PCCA: variants seen among roughly 807,000 people sequenced by gnomAD.
PCCA encodes propionyl-CoA carboxylase subunit alpha.
In PCCA, 74 loss-of-function variants were observed where a neutral mutation model predicts 101.3. That is an observed-to-expected ratio of 0.73 (90% CI 0.61 to 0.89). The LOEUF (loss-of-function observed/expected upper bound fraction) is 0.89. Among genes scored for constraint, PCCA ranks in the 40% least tolerant of loss-of-function variants. The pLI is 0.00. For synonymous variants in PCCA, 294 were observed against 313.6 expected (o/e 0.94, Z 0.66); for missense variants, 891 against 907.0 (o/e 0.98, Z 0.23).
At chr13:100,117,696 A>C (rs918629521) in intron 4 of PCCA, among the ~76,000 whole-genome samples, 4 of 152,150 alleles carry the variant, frequency 2.6e-5, no homozygotes, top group Admixed American at 2.6e-4. Flanking sequence ...TGGGTGCAGC[A>C]AAACAACATG....
intron 18 of PCCA, among the ~76,000 whole-genome samples, chr13:100,345,383 A>G (rs2072025205): frequency 6.6e-6 from 1 of 152,188 alleles, no homozygotes; most frequent in African/African-American, 2.4e-5. Flanking sequence ...AGGTCTGGAT[A>G]GAAGATCAAA....
intron 19 of PCCA, among the ~76,000 whole-genome samples, chr13:100,375,712 A>G (rs991562298): frequency 6.6e-6 from 1 of 152,226 alleles, no homozygotes; most frequent in African/African-American, 2.4e-5. Flanking sequence ...AAGTCCATCA[A>G]CACTATGAAG....
intron 4 of PCCA, among the ~76,000 whole-genome samples, chr13:100,122,353 C>T (rs2049489258): frequency 6.6e-6 from 1 of 152,020 alleles, no homozygotes; most frequent in Non-Finnish European, 1.5e-5. Context: ...TGATCCTGGC[C>T]TCATGAATTG....
intron 1 of PCCA, among the ~76,000 whole-genome samples, chr13:100,100,846 G>A (rs180892458): frequency 5.9e-5 from 9 of 151,730 alleles, no homozygotes; most frequent in African/African-American, 1.7e-4. Context: ...GGAGTGCAAC[G>A]GTACAAACTT....
chr13:100,363,648 T>G (rs1321098209), intron 18 of PCCA, among the ~76,000 whole-genome samples: 2 of 152,204 alleles, frequency 1.3e-5, no homozygotes, highest in Non-Finnish European at 2.9e-5. Flanking sequence ...GTGAAAGTTA[T>G]GATGAAGCAT....
At chr13:100,499,009 A>G (rs964786449) in intron 21 of PCCA, among the ~76,000 whole-genome samples, 2 of 152,124 alleles carry the variant, frequency 1.3e-5, no homozygotes, top group Non-Finnish European at 2.9e-5. Context: ...CAAGACTTCC[A>G]CCCGCATTGC....
chr13:100,104,047 A>T (rs1284692918), intron 2 of PCCA, among the ~76,000 whole-genome samples: 1 of 152,220 alleles, frequency 6.6e-6, no homozygotes, highest in Non-Finnish European at 1.5e-5. Flanking sequence ...GGACTAGAAG[A>T]AGTGATTGGA....
chr13:100,501,445 G>A (rs558233380), intron 21 of PCCA, among the ~76,000 whole-genome samples: 3 of 152,274 alleles, frequency 2.0e-5, no homozygotes, highest in African/African-American at 7.2e-5. Flanking sequence ...GCTGAGTCTA[G>A]GAGAAGAAAG....
chr13:100,315,164 C>T (rs2067231887), intron 16 of PCCA, among the ~76,000 whole-genome samples: 1 of 151,666 alleles, frequency 6.6e-6, no homozygotes, highest in Non-Finnish European at 1.5e-5. Context: ...ATTTGTAGAA[C>T]CTCCATATAT....
At chr13:100,374,757 C>A (rs1173319888) in intron 19 of PCCA, among the ~76,000 whole-genome samples, 1 of 152,190 alleles carries the variant, frequency 6.6e-6, no homozygotes, top group East Asian at 1.9e-4. Context: ...ATGTTTACTA[C>A]TAATAAACTA....
At chr13:100,164,466 A>G (rs2054829977) in intron 6 of PCCA, among the ~76,000 whole-genome samples, 1 of 152,166 alleles carries the variant, frequency 6.6e-6, no homozygotes, top group Admixed American at 6.5e-5. Context: ...TGTTTCAGCA[A>G]CTGGGCCTCT....
chr13:100,237,490 A>C (rs1433637055), intron 8 of PCCA: 1 of 152,180 alleles, frequency 6.6e-6, no homozygotes, highest in Admixed American at 6.5e-5. Flanking sequence ...AAACTGGACT[A>C]TATAGAACTG....
chr13:100,430,327 T>C (rs1391585953), intron 20 of PCCA, among the ~76,000 whole-genome samples: 1 of 152,102 alleles, frequency 6.6e-6, no homozygotes, highest in Admixed American at 6.6e-5. Context: ...TCATTCTTCC[T>C]TGATTAAATC....
At chr13:100,342,474 G>C (rs1027510457) in intron 18 of PCCA, among the ~76,000 whole-genome samples, 1 of 151,452 alleles carries the variant, frequency 6.6e-6, no homozygotes, top group Non-Finnish European at 1.5e-5. Flanking sequence ...CACCATGTTG[G>C]CCAGGCTGGT....
intron 15 of PCCA, 144 bp downstream of exon 15, chr13:100,307,404 G>A (rs1355463308): frequency 3.0e-6 from 2 of 668,608 alleles, no homozygotes; most frequent in African/African-American, 1.8e-5. Context: ...AGCAGAGCAG[G>A]TTTTTTCTCT....
chr13:100,127,451 C>T (rs2050065414), intron 4 of PCCA, among the ~76,000 whole-genome samples: 1 of 152,074 alleles, frequency 6.6e-6, no homozygotes, highest in Non-Finnish European at 1.5e-5. Flanking sequence ...TAAACTTAAA[C>T]AACATGGTTT....
intron 6 of PCCA, among the ~76,000 whole-genome samples, chr13:100,170,371 A>G (rs1009873476): frequency 3.3e-5 from 5 of 152,156 alleles, no homozygotes; most frequent in Admixed American, 2.6e-4. Flanking sequence ...TTGCCCCCAG[A>G]TTTGTTCTAA....
At chr13:100,152,668 G>T (rs975954739) in intron 4 of PCCA, among the ~76,000 whole-genome samples, 3 of 151,932 alleles carry the variant, frequency 2.0e-5, no homozygotes, top group Admixed American at 1.3e-4. Flanking sequence ...GGATGGTCTC[G>T]GTCTCCTGAC....
chr13:100,303,936 T>A (rs907195962), intron 14 of PCCA, among the ~76,000 whole-genome samples: 96 of 152,312 alleles, frequency 6.3e-4, no homozygotes, highest in African/African-American at 2.3e-3. Flanking sequence ...AAAACAAGTA[T>A]CATAGGGACA....
Sources: gnomAD v4.1 joint callset for allele counts (sites outside exome capture counted in the v4.1 genomes callset) on GRCh38, gnomAD v4.1.1 for gene constraint, MANE v1.5 for transcripts, NCBI Gene and HGNC (gene_info 2026-07-23, HGNC 2026-07-21) for gene names.